BBS9: variants seen among roughly 807,000 people sequenced by gnomAD.
BBS9 encodes the protein Bardet-Biedl syndrome 9, also known as protein PTHB1.
BBS9 carries 89 observed loss-of-function variants against 117.7 expected under a neutral mutation model. The ratio of observed to expected loss-of-function variants is 0.76; its 90% CI spans 0.64 to 0.90. BBS9 has a LOEUF of 0.90. BBS9 is among the 40% of genes least tolerant of loss of function. The probability of loss-of-function intolerance (pLI) is 0.00; values close to 1 mark genes in which losing one functional copy is unlikely to be tolerated. For synonymous variants in BBS9, 379 were observed against 370.9 expected (o/e 1.02, Z -0.25); for missense variants, 982 against 1,042.2 (o/e 0.94, Z 0.80).
rs1197587192 is a variant in BBS9 at position 33,534,061 on chromosome 7, C to T, written c.2406C>T (p.Pro802=). Residue 802 remains proline (P), a synonymous_variant, in exon 21 of 23, where the codon CCC becomes CCT. Coordinates refer to ENST00000242067, the MANE Select transcript of BBS9 (RefSeq NM_198428.3). ...ALNLNSQLNI[P]KDTSQLKKHI... is the part of the protein sequence containing the mutation. ...ACCTCAACAGCCAGCTGAACATACCCAAAGACACAAGCCAACTGAAGAAAC... is the reference window on the plus strand; with the variant it reads ...ACCTCAACAGCCAGCTGAACATACCTAAAGACACAAGCCAACTGAAGAAAC... 1 of 1,614,068 alleles carries T rather than the reference C, an allele frequency of 6.2e-7. No homozygotes were observed. The highest frequency in any genetic ancestry group is 8.5e-7 in the Non-Finnish European group (1 of 1,180,038).
chr7:33,294,345 CTATCTA>C (rs1369188031), intron 9 of BBS9, among the ~76,000 whole-genome samples: 4 of 129,558 alleles, frequency 3.1e-5, no homozygotes, highest in African/African-American at 8.5e-5. Flanking sequence ...ATCTATCTAT[CTATCTA>C]TCTCTTTGTC....
At chr7:33,627,102 G>T (rs976232323) in intron 21 of BBS9, among the ~76,000 whole-genome samples, 2 of 152,208 alleles carry the variant, frequency 1.3e-5, no homozygotes, top group Non-Finnish European at 2.9e-5. Flanking sequence ...GGGAAGAATG[G>T]TATTGTGGGC....
chr7:33,329,896 G>T (rs955784416), intron 9 of BBS9, among the ~76,000 whole-genome samples: 1 of 151,878 alleles, frequency 6.6e-6, no homozygotes, highest in East Asian at 1.9e-4. Context: ...TTTATTGACT[G>T]TATTATTTTT....
intron 5 of BBS9, among the ~76,000 whole-genome samples, chr7:33,201,159 G>A (rs900728597): frequency 1.3e-5 from 2 of 152,034 alleles, no homozygotes; most frequent in Non-Finnish European, 2.9e-5. Flanking sequence ...GGACCTGGGT[G>A]GGGAAGGAGG....
intron 9 of BBS9, among the ~76,000 whole-genome samples, chr7:33,279,285 AG>A (rs1448833055): frequency 6.6e-6 from 1 of 152,190 alleles, no homozygotes; most frequent in Non-Finnish European, 1.5e-5. Flanking sequence ...CATGTTGCCC[AG>A]GCTGGTCTTG....
At chr7:33,521,577 C>A (rs1027259301) in intron 20 of BBS9, among the ~76,000 whole-genome samples, 3 of 151,968 alleles carry the variant, frequency 2.0e-5, no homozygotes, top group African/African-American at 7.3e-5. Flanking sequence ...GTGGAATTTT[C>A]TTCATTTTAT....
intron 20 of BBS9, among the ~76,000 whole-genome samples, chr7:33,528,392 A>G (rs1266447797): frequency 6.6e-6 from 1 of 151,984 alleles, no homozygotes; most frequent in African/African-American, 2.4e-5. Context: ...CTGTGTACAC[A>G]TTTGGTAATA....
chr7:33,530,409 A>G (rs1023574496), intron 20 of BBS9, among the ~76,000 whole-genome samples: 1 of 152,248 alleles, frequency 6.6e-6, no homozygotes, highest in African/African-American at 2.4e-5. Flanking sequence ...TGTTACTGTA[A>G]TCTATTTATG....
chr7:33,471,134 G>A (rs565422100), intron 19 of BBS9, among the ~76,000 whole-genome samples: 2 of 152,106 alleles, frequency 1.3e-5, no homozygotes, highest in Non-Finnish European at 2.9e-5. Context: ...TGTTCCAGTG[G>A]CTAGTTATCT....
At chr7:33,477,569 G>T (rs1409341749) in intron 19 of BBS9, among the ~76,000 whole-genome samples, 2 of 152,018 alleles carry the variant, frequency 1.3e-5, no homozygotes, top group Admixed American at 1.3e-4. Flanking sequence ...AATAAGGAAG[G>T]CTCTCCCAAT....
chr7:33,579,459 A>G (rs1033912392), intron 21 of BBS9, among the ~76,000 whole-genome samples: 3 of 152,152 alleles, frequency 2.0e-5, no homozygotes, highest in Admixed American at 6.6e-5. Flanking sequence ...TATGTTTATT[A>G]CACTCTTTGG....
intron 20 of BBS9, among the ~76,000 whole-genome samples, chr7:33,513,740 A>G (rs1244295007): frequency 6.6e-6 from 1 of 152,208 alleles, no homozygotes; most frequent in African/African-American, 2.4e-5. Context: ...ATATCCTCAT[A>G]ATTCAAGTCA....
chr7:33,585,808 C>T (rs1251645528), intron 21 of BBS9, among the ~76,000 whole-genome samples: 1 of 151,922 alleles, frequency 6.6e-6, no homozygotes, highest in African/African-American at 2.4e-5. Flanking sequence ...CTTGTACATT[C>T]GTACCTTTTT....
At chr7:33,320,189 C>G (rs1811397044) in intron 9 of BBS9, among the ~76,000 whole-genome samples, 2 of 152,194 alleles carry the variant, frequency 1.3e-5, no homozygotes, top group South Asian at 2.1e-4. Flanking sequence ...AATACTAGAT[C>G]TTATTCATTC....
chr7:33,300,460 C>G (rs1209128773), intron 9 of BBS9, among the ~76,000 whole-genome samples: 2 of 152,108 alleles, frequency 1.3e-5, no homozygotes, highest in African/African-American at 4.8e-5. Flanking sequence ...CTATTTTTGT[C>G]TCTAATTATT....
intron 5 of BBS9, among the ~76,000 whole-genome samples, chr7:33,181,192 C>T (rs1798055083): frequency 1.3e-5 from 2 of 152,136 alleles, no homozygotes; most frequent in Admixed American, 1.3e-4. Flanking sequence ...GGGGAGCTGC[C>T]AGAGTGGACG....
intron 9 of BBS9, among the ~76,000 whole-genome samples, chr7:33,277,331 A>G (rs1800958369): frequency 6.6e-6 from 1 of 152,122 alleles, no homozygotes; most frequent in South Asian, 2.1e-4. Context: ...AGAGCCCCAT[A>G]TTTTTTATCT....
intron 19 of BBS9, among the ~76,000 whole-genome samples, chr7:33,449,209 G>A (rs1837421779): frequency 6.6e-6 from 1 of 152,172 alleles, no homozygotes; most frequent in Admixed American, 6.5e-5. Flanking sequence ...TAGCTGGGGT[G>A]TCAGCCCTGA....
At chr7:33,393,681 C>G (rs1463561151) in intron 19 of BBS9, among the ~76,000 whole-genome samples, 1 of 152,140 alleles carries the variant, frequency 6.6e-6, no homozygotes, top group Non-Finnish European at 1.5e-5. Flanking sequence ...TCAGTGGTAG[C>G]TCTTCTGGAT....
Sources: gnomAD v4.1 joint callset for allele counts (sites outside exome capture counted in the v4.1 genomes callset) on GRCh38, gnomAD v4.1.1 for gene constraint, MANE v1.5 for transcripts, NCBI Gene and HGNC (gene_info 2026-07-23, HGNC 2026-07-21) for gene names.